The following TNFSF4 variants were observed in gnomAD, a reference collection of about 807,000 sequenced individuals.
TNFSF4 encodes the protein TNF superfamily member 4, also known as tumor necrosis factor ligand superfamily member 4.
TNFSF4 carries 4 observed loss-of-function variants against 7.3 expected under a neutral mutation model. The observed-to-expected ratio is 0.55, with a 90% confidence interval of 0.27 to 1.25. TNFSF4 has a LOEUF of 1.25. Ranked by LOEUF, TNFSF4 falls within the 50% of genes most tolerant of loss-of-function variation. The pLI, the probability that TNFSF4 is intolerant of heterozygous loss-of-function variation, is 0.12. For missense variants in TNFSF4, 181 were observed against 208.8 expected (o/e 0.87, Z 0.82); for synonymous variants, 76 against 83.7 (o/e 0.91, Z 0.50).
chr1:173,269,050 G>C, the TNFSF4 span, among the ~76,000 whole-genome samples: 1 of 152,124 alleles, frequency 6.6e-6, no homozygotes. Flanking sequence ...CCTCATTATA[G>C]TCTATTTTTA....
At chr1:173,322,959 G>T in the TNFSF4 span, among the ~76,000 whole-genome samples, 1 of 152,314 alleles carries the variant, frequency 6.6e-6, no homozygotes, top group East Asian at 1.9e-4. Context: ...CACCTCTGGG[G>T]GCAGTGCACA....
chr1:173,381,602 AC>A, the TNFSF4 span, among the ~76,000 whole-genome samples: 1 of 152,244 alleles, frequency 6.6e-6, no homozygotes, highest in African/African-American at 2.4e-5. Context: ...CCCTGAACCA[AC>A]CCATTGGCCT....
At chr1:173,393,391 C>A in the TNFSF4 span, among the ~76,000 whole-genome samples, 1 of 152,218 alleles carries the variant, frequency 6.6e-6, no homozygotes, top group African/African-American at 2.4e-5. Context: ...CCCAGCTCAT[C>A]TGCCCTGCCT....
the TNFSF4 span, among the ~76,000 whole-genome samples, chr1:173,302,775 G>A: frequency 6.6e-6 from 1 of 150,700 alleles, no homozygotes; most frequent in Non-Finnish European, 1.5e-5. Context: ...ATTTTTAGCT[G>A]AGCTCCAGAG....
chr1:173,382,973 T>C, the TNFSF4 span, among the ~76,000 whole-genome samples: 3 of 152,110 alleles, frequency 2.0e-5, no homozygotes, highest in East Asian at 1.9e-4. Context: ...ACAAAATCAA[T>C]GGCAATTATC....
chr1:173,354,521 G>A, the TNFSF4 span, among the ~76,000 whole-genome samples: 1 of 152,082 alleles, frequency 6.6e-6, no homozygotes, highest in African/African-American at 2.4e-5. Flanking sequence ...ACCAAAACCT[G>A]GCAGAGATAC....
the TNFSF4 span, among the ~76,000 whole-genome samples, chr1:173,284,678 C>A: frequency 5.9e-5 from 9 of 152,178 alleles, no homozygotes; most frequent in African/African-American, 1.9e-4. Flanking sequence ...ATCCTAGGGC[C>A]CTTAAGTAAA....
At chr1:173,425,155 G>A in the TNFSF4 span, among the ~76,000 whole-genome samples, 3,549 of 152,056 alleles carry the variant, frequency 0.023, 145 homozygotes, top group African/African-American at 0.081. Context: ...TTTGATTTTC[G>A]ATGATGTCTT....
At chr1:173,445,600 G>A in the TNFSF4 span, among the ~76,000 whole-genome samples, 3 of 152,154 alleles carry the variant, frequency 2.0e-5, no homozygotes, top group Non-Finnish European at 4.4e-5. Context: ...ACTGGAGTAA[G>A]TCAGTAGGTA....
the TNFSF4 span, among the ~76,000 whole-genome samples, chr1:173,336,386 A>G: frequency 1.8e-4 from 28 of 152,200 alleles, no homozygotes; most frequent in Admixed American, 5.9e-4. Flanking sequence ...GGTGACTCCA[A>G]TTGGAGTTGC....
the TNFSF4 span, among the ~76,000 whole-genome samples, chr1:173,342,128 G>A: frequency 2.6e-5 from 4 of 152,252 alleles, no homozygotes; most frequent in East Asian, 5.8e-4. Context: ...GATCTTATGA[G>A]CTTGGATGTC....
chr1:173,371,655 A>C, the TNFSF4 span, among the ~76,000 whole-genome samples: 2 of 152,156 alleles, frequency 1.3e-5, no homozygotes, highest in African/African-American at 2.4e-5. Flanking sequence ...AGGAGTAAAA[A>C]AACCAAATGG....
chr1:173,424,060 CCTCAAG>C, the TNFSF4 span, among the ~76,000 whole-genome samples: 9 of 152,150 alleles, frequency 5.9e-5, no homozygotes, highest in Non-Finnish European at 7.4e-5. Flanking sequence ...ACAAACACTC[CCTCAAG>C]CTCTTTTGTA....
the TNFSF4 span, among the ~76,000 whole-genome samples, chr1:173,436,417 T>A: frequency 4.6e-5 from 7 of 152,266 alleles, no homozygotes; most frequent in African/African-American, 1.7e-4. Flanking sequence ...CATTTTGTTT[T>A]GTTTTGTTTT....
the TNFSF4 span, among the ~76,000 whole-genome samples, chr1:173,303,522 G>C: frequency 6.6e-6 from 1 of 151,882 alleles, no homozygotes; most frequent in Non-Finnish European, 1.5e-5. Flanking sequence ...AATTTAAAGT[G>C]GCGGTGTTTG....
At chr1:173,362,524 G>A in the TNFSF4 span, 1 of 540,118 alleles carries the variant, frequency 1.9e-6, no homozygotes. Flanking sequence ...TATTTGGTTG[G>A]CTTTTGCCTC....
the TNFSF4 span, among the ~76,000 whole-genome samples, chr1:173,399,062 G>A: frequency 1.3e-5 from 2 of 152,198 alleles, no homozygotes; most frequent in Non-Finnish European, 1.5e-5. Flanking sequence ...TGCACATCAT[G>A]AAGTGTTATC....
chr1:173,365,880 C>T, the TNFSF4 span, among the ~76,000 whole-genome samples: 1 of 152,152 alleles, frequency 6.6e-6, no homozygotes, highest in Non-Finnish European at 1.5e-5. Flanking sequence ...TAAGATGTTT[C>T]ATAGCATATT....
the TNFSF4 span, among the ~76,000 whole-genome samples, chr1:173,261,659 C>T: frequency 6.6e-6 from 1 of 152,006 alleles, no homozygotes; most frequent in Non-Finnish European, 1.5e-5. Context: ...CACCACTGAC[C>T]CCACAGAAAT....
Sources: gnomAD v4.1 joint callset for allele counts (sites outside exome capture counted in the v4.1 genomes callset) on GRCh38, gnomAD v4.1.1 for gene constraint, MANE v1.5 for transcripts, NCBI Gene and HGNC (gene_info 2026-07-23, HGNC 2026-07-21) for gene names.